Variants in SMOC1 observed in about 807,000 individuals in gnomAD.
SMOC1 encodes SPARC related modular calcium binding 1.
A neutral mutation model predicts 56.3 loss-of-function variants in SMOC1; 22 were observed. The observed-to-expected ratio is 0.39, with a 90% confidence interval of 0.28 to 0.56. The LOEUF (loss-of-function observed/expected upper bound fraction) is 0.56, where lower values mean the gene tolerates loss of function less well. Among genes scored for constraint, SMOC1 ranks in the 20% least tolerant of loss-of-function variants. The pLI, the probability that SMOC1 is intolerant of heterozygous loss-of-function variation, is 0.61. For missense variants in SMOC1, 509 were observed against 565.4 expected (o/e 0.90, Z 1.01); for synonymous variants, 193 against 215.0 (o/e 0.90, Z 0.89).
chr14:69,935,951 A>G (rs1008116495), intron 1 of SMOC1, among the ~76,000 whole-genome samples: 2 of 152,168 alleles, frequency 1.3e-5, no homozygotes, highest in African/African-American at 4.8e-5. Flanking sequence ...AACTACCTTC[A>G]GGTTTTGAAT....
At chr14:69,915,157 C>T (rs1274756283) in intron 1 of SMOC1, among the ~76,000 whole-genome samples, 2 of 152,224 alleles carry the variant, frequency 1.3e-5, no homozygotes, top group Non-Finnish European at 2.9e-5. Context: ...CTTGAGCCAC[C>T]GCGCCCGGCC....
chr14:69,941,106 C>T (rs915467807), intron 1 of SMOC1, among the ~76,000 whole-genome samples: 1 of 152,208 alleles, frequency 6.6e-6, no homozygotes, highest in African/African-American at 2.4e-5. Flanking sequence ...CTCCTTTCTC[C>T]TTCTTTCTCA....
chr14:69,902,539 CT>C (rs1211953047), intron 1 of SMOC1, among the ~76,000 whole-genome samples: 1 of 152,162 alleles, frequency 6.6e-6, no homozygotes, highest in East Asian at 1.9e-4. Context: ...GTCCTTGCAG[CT>C]TCTGCCTTCA....
intron 1 of SMOC1, among the ~76,000 whole-genome samples, chr14:69,880,420 G>A (rs1014179208): frequency 2.0e-5 from 3 of 152,164 alleles, no homozygotes; most frequent in South Asian, 2.1e-4. Context: ...TCAGTGCTGG[G>A]AGGTTGAATT....
At chr14:69,907,281 ACTGT>A (rs1019489697) in intron 1 of SMOC1, among the ~76,000 whole-genome samples, 17 of 152,344 alleles carry the variant, frequency 1.1e-4, no homozygotes, top group African/African-American at 4.1e-4. Flanking sequence ...AGTTAACTTC[ACTGT>A]CTATTTATAA....
At chr14:69,908,952 T>C (rs1884483801) in intron 1 of SMOC1, among the ~76,000 whole-genome samples, 1 of 152,186 alleles carries the variant, frequency 6.6e-6, no homozygotes, top group Non-Finnish European at 1.5e-5. Context: ...TTCTTTGAAA[T>C]GTCCCTCTCT....
At chr14:69,941,599 G>C (rs1216465360) in intron 1 of SMOC1, among the ~76,000 whole-genome samples, 1 of 152,096 alleles carries the variant, frequency 6.6e-6, no homozygotes, top group South Asian at 2.1e-4. Flanking sequence ...CCAAAGCTCG[G>C]ATCTGAGTTT....
intron 6 of SMOC1, 46 bp downstream of exon 6, chr14:69,992,519 C>A: frequency 6.9e-7 from 1 of 1,440,692 alleles, no homozygotes; most frequent in Non-Finnish European, 9.8e-7. Context: ...CACTCATTTT[C>A]AGGTTTGGGA....
intron 10 of SMOC1, among the ~76,000 whole-genome samples, chr14:70,016,776 T>C (rs918131146): frequency 6.6e-6 from 1 of 152,224 alleles, no homozygotes; most frequent in African/African-American, 2.4e-5. Flanking sequence ...CCAGGACCTC[T>C]ATGTCAGTTG....
At chr14:69,953,951 T>C (rs1303985965) in intron 3 of SMOC1, among the ~76,000 whole-genome samples, 1 of 152,124 alleles carries the variant, frequency 6.6e-6, no homozygotes, top group Non-Finnish European at 1.5e-5. Flanking sequence ...CTATCCCCAG[T>C]CCTTGAACGA....
At chr14:69,927,580 G>A (rs565837430) in intron 1 of SMOC1, among the ~76,000 whole-genome samples, 2 of 152,288 alleles carry the variant, frequency 1.3e-5, no homozygotes, top group East Asian at 3.9e-4. Context: ...GGAGGCTGAG[G>A]TGGGAGGATT....
At chr14:69,919,762 T>G (rs1884783012) in intron 1 of SMOC1, among the ~76,000 whole-genome samples, 1 of 152,218 alleles carries the variant, frequency 6.6e-6, no homozygotes, top group Non-Finnish European at 1.5e-5. Flanking sequence ...ATGAAATCAG[T>G]GGAAACCTTC....
intron 10 of SMOC1, among the ~76,000 whole-genome samples, chr14:70,015,395 A>G (rs1885473723): frequency 6.6e-6 from 1 of 152,152 alleles, no homozygotes; most frequent in African/African-American, 2.4e-5. Context: ...CTATACACTT[A>G]GATGTTTGTT....
chr14:69,991,450 A>G (rs927540107), intron 5 of SMOC1, among the ~76,000 whole-genome samples: 1 of 152,176 alleles, frequency 6.6e-6, no homozygotes, highest in African/African-American at 2.4e-5. Context: ...TTAGGAAAAA[A>G]TTACCTAAAA....
intron 1 of SMOC1, among the ~76,000 whole-genome samples, chr14:69,883,930 C>A: frequency 9.4e-6 from 1 of 106,432 alleles, no homozygotes; most frequent in South Asian, 3.3e-4. Context: ...GACGGAGTCT[C>A]GCTCTGTCGC....
chr14:69,930,577 T>G (rs527928049), intron 1 of SMOC1, among the ~76,000 whole-genome samples: 6 of 152,246 alleles, frequency 3.9e-5, no homozygotes, highest in Non-Finnish European at 7.4e-5. Context: ...GCCAGGTCAC[T>G]GGGCTGGGGT....
rs990518321 is a variant in SMOC1, at chr14:70,030,545, G to C, written c.*287G>C. 1.3e-4 allele frequency: 42 copies of C among 315,308 alleles called. 3 individuals are homozygous for C. The highest frequency in any genetic ancestry group is 1.4e-4 in the Admixed American group (3 of 22,134). 19.5% of individuals were successfully genotyped at this position (315,308 alleles called of 1,614,324 possible). On this transcript the variant is annotated 3_prime_UTR_variant, in exon 12 of 12. Transcript: ENST00000361956. Reference sequence around the variant, plus strand: ...ACTGACAACTTTTAGAGGGTTTTGGGGGGGTGGGGGAGGGTGTTGTTGGGG... The same window carrying C: ...ACTGACAACTTTTAGAGGGTTTTGGCGGGGTGGGGGAGGGTGTTGTTGGGG...
At chr14:69,981,777 C>T (rs917331223) in intron 5 of SMOC1, among the ~76,000 whole-genome samples, 4 of 152,214 alleles carry the variant, frequency 2.6e-5, no homozygotes, top group Admixed American at 2.6e-4. Context: ...CCTGCAGCAG[C>T]TTTACCTGGC....
intron 1 of SMOC1, among the ~76,000 whole-genome samples, chr14:69,935,905 T>C (rs1011619871): frequency 1.1e-4 from 17 of 152,188 alleles, no homozygotes; most frequent in African/African-American, 4.1e-4. Context: ...TTTTATGGAA[T>C]GAATGAATGT....
Sources: gnomAD v4.1 joint callset for allele counts (sites outside exome capture counted in the v4.1 genomes callset) on GRCh38, gnomAD v4.1.1 for gene constraint, MANE v1.5 for transcripts, NCBI Gene and HGNC (gene_info 2026-07-23, HGNC 2026-07-21) for gene names.